CLVS1: variants seen among roughly 807,000 people sequenced by gnomAD.
The protein encoded by CLVS1 is clavesin 1, also known as clavesin-1.
Under a neutral mutation model 33.1 loss-of-function variants are expected in CLVS1, and 10 were observed. The ratio of observed to expected loss-of-function variants is 0.30; its 90% confidence interval spans 0.19 to 0.51. The LOEUF is 0.51. CLVS1 is among the 20% of genes least tolerant of loss of function. CLVS1 has a pLI of 0.97. For synonymous variants in CLVS1, 163 were observed against 166.1 expected, an observed-to-expected ratio of 0.98 and a Z score of 0.14; for missense variants, 343 against 433.4, an observed-to-expected ratio of 0.79 and a Z score of 1.85.
chr8:61,208,169 A>T (rs939268906), intron 2 of CLVS1, among the ~76,000 whole-genome samples: 4 of 152,196 alleles, frequency 2.6e-5, no homozygotes, highest in African/African-American at 4.8e-5. Context: ...AGATGAAGTA[A>T]TTTTTCTCTG....
chr8:61,463,950 A>G (rs1817459106), intron 5 of CLVS1, among the ~76,000 whole-genome samples: 2 of 151,802 alleles, frequency 1.3e-5, no homozygotes, highest in East Asian at 3.9e-4. Flanking sequence ...GTGGGTGCCT[A>G]TAGTCCTAGC....
intron 3 of CLVS1, among the ~76,000 whole-genome samples, chr8:61,443,167 A>G (rs1395890452): frequency 6.6e-6 from 1 of 152,204 alleles, no homozygotes; most frequent in African/African-American, 2.4e-5. Flanking sequence ...CAAATACGTT[A>G]TCTCAGTCTA....
chr8:60,973,169 T>C, the CLVS1 span, among the ~76,000 whole-genome samples: 1 of 152,202 alleles, frequency 6.6e-6, no homozygotes, highest in South Asian at 2.1e-4. Flanking sequence ...GGTTGAAAGA[T>C]TGGCCATCTT....
At chr8:61,188,186 C>G (rs988058725) in intron 2 of CLVS1, among the ~76,000 whole-genome samples, 5 of 152,100 alleles carry the variant, frequency 3.3e-5, no homozygotes, top group African/African-American at 9.7e-5. Flanking sequence ...GTAGACTAAA[C>G]CTCTCATGGC....
intron 2 of CLVS1, among the ~76,000 whole-genome samples, chr8:61,304,901 G>A (rs2129595032): frequency 6.6e-6 from 1 of 152,320 alleles, no homozygotes; most frequent in East Asian, 1.9e-4. Flanking sequence ...ATATGGGGCT[G>A]TTGCAAGAAT....
At chr8:61,232,011 A>C (rs1024803080) in intron 2 of CLVS1, among the ~76,000 whole-genome samples, 1 of 78,182 alleles carries the variant, frequency 1.3e-5, no homozygotes, top group Non-Finnish European at 2.9e-5. Flanking sequence ...AGGAGCCCTG[A>C]GGAAAGTTGT....
intron 3 of CLVS1, chr8:61,377,484 T>C (rs1813694633): frequency 6.6e-6 from 1 of 152,210 alleles, no homozygotes; most frequent in Admixed American, 6.5e-5. Context: ...TGAATCAGTA[T>C]AGATAAAACT....
At chr8:61,036,189 T>G in the CLVS1 span, among the ~76,000 whole-genome samples, 1 of 152,224 alleles carries the variant, frequency 6.6e-6, no homozygotes, top group African/African-American at 2.4e-5. Flanking sequence ...GGAGAGTTGA[T>G]TTCGTTCCCC....
chr8:61,329,438 G>A (rs1007830510), intron 2 of CLVS1, among the ~76,000 whole-genome samples: 1 of 152,046 alleles, frequency 6.6e-6, no homozygotes, highest in African/African-American at 2.4e-5. Context: ...AAATCAACCT[G>A]GTATTCAATA....
chr8:61,462,203 A>G (rs1817392408), intron 5 of CLVS1, among the ~76,000 whole-genome samples: 1 of 152,176 alleles, frequency 6.6e-6, no homozygotes, highest in South Asian at 2.1e-4. Flanking sequence ...ACTTCTTCCA[A>G]AGTCCTGTTA....
intron 1 of CLVS1, among the ~76,000 whole-genome samples, chr8:61,107,802 G>T (rs1805564192): frequency 6.6e-6 from 1 of 152,092 alleles, no homozygotes; most frequent in African/African-American, 2.4e-5. Context: ...CTCATTCCTT[G>T]CAGTTTTCAG....
the CLVS1 span, among the ~76,000 whole-genome samples, chr8:60,985,343 G>A: frequency 6.6e-5 from 10 of 152,306 alleles, no homozygotes; most frequent in South Asian, 1.0e-3. Flanking sequence ...CACCAGCCAC[G>A]GGCAATAGAT....
intron 2 of CLVS1, among the ~76,000 whole-genome samples, chr8:61,306,663 C>T (rs919831953): frequency 6.6e-6 from 1 of 151,970 alleles, no homozygotes; most frequent in Non-Finnish European, 1.5e-5. Context: ...GGCTATATAC[C>T]CAGTAGTGAA....
intron 2 of CLVS1, among the ~76,000 whole-genome samples, chr8:61,167,791 C>T (rs1806909377): frequency 6.6e-6 from 1 of 152,126 alleles, no homozygotes; most frequent in Admixed American, 6.5e-5. Context: ...ACCAAGATGA[C>T]CATGAGAGTG....
In CLVS1 at chr8:61,071,218, C is replaced by T. The variant is rs1044255183; in HGVS notation, c.-243+13988C>T. Among the ~76,000 whole-genome samples the T allele has an allele frequency of 3.9e-5, 6 of 152,188 alleles. No individual in the cohort carries two copies. In the South Asian group the frequency reaches 1.2e-3, roughly 32 times the overall value. On this transcript the variant is annotated intron_variant, in intron 1 of 2. Coordinates refer to the CLVS1 transcript ENST00000522621. The stretch of plus-strand genomic sequence containing the variant: ...TGGAGACATTTTTCCAAAGTGTGTT[C>T]ATTTCTTGTTGCTGCTGTAAGAAAG...
chr8:61,088,477 G>A (rs1260502603), intron 1 of CLVS1, among the ~76,000 whole-genome samples: 1 of 113,832 alleles, frequency 8.8e-6, no homozygotes, highest in African/African-American at 4.2e-5. Context: ...GTAACAGAGC[G>A]AGACTGTCTC....
chr8:61,292,217 G>T (rs1810020281), intron 1 of CLVS1: 1 of 383,886 alleles, frequency 2.6e-6, no homozygotes, highest in South Asian at 2.0e-5. Flanking sequence ...GAAGAAATAA[G>T]AGCTCAGAAA....
At chr8:61,150,004 C>T (rs1806496017) in intron 2 of CLVS1, among the ~76,000 whole-genome samples, 1 of 152,052 alleles carries the variant, frequency 6.6e-6, no homozygotes, top group South Asian at 2.1e-4. Flanking sequence ...TGACTGTGCT[C>T]AGAATCTGTC....
chr8:61,035,363 G>T, the CLVS1 span, among the ~76,000 whole-genome samples: 2 of 151,602 alleles, frequency 1.3e-5, no homozygotes, highest in Non-Finnish European at 1.5e-5. Flanking sequence ...TTTTGTTTTT[G>T]TTTTCACAAA....
Sources: gnomAD v4.1 joint callset for allele counts (sites outside exome capture counted in the v4.1 genomes callset) on GRCh38, gnomAD v4.1.1 for gene constraint, MANE v1.5 for transcripts, NCBI Gene and HGNC (gene_info 2026-07-23, HGNC 2026-07-21) for gene names.